LHFPL1: variants seen among roughly 807,000 people sequenced by gnomAD.
The protein encoded by LHFPL1 is LHFPL tetraspan subfamily member 1.
A neutral mutation model predicts 12.1 loss-of-function variants in LHFPL1; 4 were observed. That is an observed-to-expected ratio of 0.33 (90% CI 0.16 to 0.76). The LOEUF (loss-of-function observed/expected upper bound fraction) is 0.76, where lower values mean the gene tolerates loss of function less well. Among genes scored for constraint, LHFPL1 ranks in the 30% least tolerant of loss-of-function variants. The probability of loss-of-function intolerance (pLI) is 0.61; values close to 1 mark genes in which losing one functional copy is unlikely to be tolerated. For missense variants in LHFPL1, 141 were observed against 174.1 expected, an observed-to-expected ratio of 0.81 and a Z score of 1.07; for synonymous variants, 52 against 61.9, an observed-to-expected ratio of 0.84 and a Z score of 0.75.
At chrX:112,656,157 A>G (rs1205155953) in intron 3 of LHFPL1, among the ~76,000 whole-genome samples, 1 of 111,918 alleles carries the variant, frequency 8.9e-6, no homozygotes, top group Admixed American at 9.5e-5. Context: ...AGAATGAATT[A>G]TACACCATGA....
At chrX:112,667,789 G>A (rs963563490) in intron 2 of LHFPL1, among the ~76,000 whole-genome samples, 3 of 111,411 alleles carry the variant, frequency 2.7e-5, no homozygotes, top group Admixed American at 9.5e-5. Flanking sequence ...TGGACCCTGG[G>A]CTTATCCAGA....
chrX:112,641,537 T>G (rs1260553333), intron 3 of LHFPL1, among the ~76,000 whole-genome samples: 1 of 112,112 alleles, frequency 8.9e-6, no homozygotes, highest in African/African-American at 3.2e-5. Flanking sequence ...AAGCCATTTC[T>G]CCTTTCTGTG....
chrX:112,659,889 C>G (rs1931125235), intron 3 of LHFPL1, among the ~76,000 whole-genome samples: 1 of 112,118 alleles, frequency 8.9e-6, no homozygotes, highest in South Asian at 3.7e-4. Context: ...CAATCTGAGG[C>G]AACAGAGAGA....
intron 2 of LHFPL1, among the ~76,000 whole-genome samples, chrX:112,669,131 T>G (rs928178928): frequency 1.6e-4 from 18 of 112,839 alleles, no homozygotes; most frequent in Non-Finnish European, 3.2e-4. Flanking sequence ...GCATTCATTC[T>G]TTCTACAGTT....
chrX:112,657,897 C>A (rs1602682398), intron 3 of LHFPL1, among the ~76,000 whole-genome samples: 1 of 85,230 alleles, frequency 1.2e-5, no homozygotes, highest in Non-Finnish European at 2.0e-5. Context: ...AATATGACAC[C>A]TAAAACAGAA....
chrX:112,664,769 A>C (rs995951412), intron 2 of LHFPL1, among the ~76,000 whole-genome samples: 9 of 111,853 alleles, frequency 8.0e-5, no homozygotes, highest in Non-Finnish European at 1.5e-4. Flanking sequence ...TCTCAATTAT[A>C]TTTGTCTCCA....
intron 3 of LHFPL1, among the ~76,000 whole-genome samples, chrX:112,638,234 G>C (rs967137280): frequency 1.8e-5 from 2 of 111,534 alleles, no homozygotes; most frequent in Non-Finnish European, 3.8e-5. Context: ...GCCTTAGATA[G>C]GCAAAAGAAG....
rs761289049 is a variant in LHFPL1 at position 112,637,558 on chromosome X, C to A, written c.482-5957G>T. On this transcript the variant is annotated intron_variant, in intron 3 of 3. Transcript: ENST00000371968. Reference sequence around the variant, plus strand: ...CATGTGCAGAATGCCAGCTTAGAAGCCAAGAATGCTGGAGAGTGAATCCAA... The same window carrying A: ...CATGTGCAGAATGCCAGCTTAGAAGACAAGAATGCTGGAGAGTGAATCCAA... 9.8e-5 allele frequency among the ~76,000 whole-genome samples: 11 copies of A among 111,811 alleles called. No homozygotes were observed. The East Asian group carries it at 3.1e-3, about 32-fold the overall frequency.
chrX:112,677,386 T>C (rs989941246), intron 1 of LHFPL1, among the ~76,000 whole-genome samples: 6 of 111,371 alleles, frequency 5.4e-5, no homozygotes, highest in African/African-American at 2.0e-4. Flanking sequence ...AAGAGCAGCT[T>C]TCTTGGCACT....
chrX:112,662,728 G>A (rs929750961), intron 2 of LHFPL1, among the ~76,000 whole-genome samples: 2 of 111,785 alleles, frequency 1.8e-5, no homozygotes, highest in African/African-American at 6.5e-5. Context: ...TCTAGGCCCT[G>A]GAATTCATCC....
intron 1 of LHFPL1, among the ~76,000 whole-genome samples, chrX:112,676,142 A>G (rs1487898035): frequency 8.9e-6 from 1 of 112,357 alleles, no homozygotes; most frequent in Non-Finnish European, 1.9e-5. Flanking sequence ...TGCCACCTGC[A>G]ATGGAGTAAT....
chrX:112,671,494 C>T (rs766039794), intron 1 of LHFPL1, 90 bp from the exon 2 acceptor site: 45 of 1,188,635 alleles, frequency 3.8e-5, no homozygotes, highest in African/African-American at 3.7e-4. Context: ...ATCTGGTTGG[C>T]CAGTCCTGGG....
At chrX:112,631,799 C>T (rs1250663985) in intron 3 of LHFPL1, among the ~76,000 whole-genome samples, 198 bp from the exon 4 acceptor site, 2 of 111,814 alleles carry the variant, frequency 1.8e-5, no homozygotes, top group African/African-American at 3.3e-5. Flanking sequence ...GACTGCTGAT[C>T]TTTGCTTCAG....
At chrX:112,634,158 C>T (rs1160445159) in intron 3 of LHFPL1, among the ~76,000 whole-genome samples, 1 of 111,857 alleles carries the variant, frequency 8.9e-6, no homozygotes, top group Non-Finnish European at 1.9e-5. Context: ...GCCCTGGGAA[C>T]TCTCTCAGAA....
intron 2 of LHFPL1, among the ~76,000 whole-genome samples, chrX:112,665,334 G>A (rs1371055865): frequency 2.7e-5 from 3 of 110,870 alleles, no homozygotes; most frequent in Non-Finnish European, 5.7e-5. Flanking sequence ...GGGATTATAA[G>A]TGCGTGCCAT....
chrX:112,658,049 AG>A (rs1472426305), intron 3 of LHFPL1, among the ~76,000 whole-genome samples: 8 of 111,676 alleles, frequency 7.2e-5, no homozygotes, highest in Non-Finnish European at 1.5e-4. Context: ...ATATCCAAAA[AG>A]GGTCTTGTAT....
At chrX:112,673,140 T>C (rs1240499723) in intron 1 of LHFPL1, among the ~76,000 whole-genome samples, 1 of 111,904 alleles carries the variant, frequency 8.9e-6, no homozygotes, top group African/African-American at 3.3e-5. Flanking sequence ...AGTTATTTGA[T>C]TCTTAATATA....
In LHFPL1 at chrX:112,675,275, AT is replaced by A. The variant is rs764124321; in HGVS notation, c.-14-3872del. Among the ~76,000 whole-genome samples the A allele has an allele frequency of 1.7e-4, 19 of 111,263 alleles. 1 individual carries two copies. The East Asian group carries it at 4.5e-3, about 26-fold the overall frequency. On this transcript the variant is annotated intron_variant, in intron 1 of 3. Coordinates refer to ENST00000371968, the MANE Select transcript of LHFPL1 (RefSeq NM_178175.4). ...CCCCAATAACTTATGGAAAAATAAA[AT>A]TTTTTAAAAAGTCCCAATATAACAA...
intron 2 of LHFPL1, among the ~76,000 whole-genome samples, chrX:112,669,231 G>C (rs1338840207): frequency 8.9e-6 from 1 of 112,489 alleles, no homozygotes; most frequent in Non-Finnish European, 1.9e-5. Context: ...TGCCCTATCA[G>C]CCAAGTGTCA....
Sources: gnomAD v4.1 joint callset for allele counts (sites outside exome capture counted in the v4.1 genomes callset) on GRCh38, gnomAD v4.1.1 for gene constraint, MANE v1.5 for transcripts, NCBI Gene and HGNC (gene_info 2026-07-23, HGNC 2026-07-21) for gene names.